MYO1B: variants seen among roughly 807,000 people sequenced by gnomAD.
MYO1B encodes the protein unconventional myosin-Ib.
Under a neutral mutation model 159.7 loss-of-function variants are expected in MYO1B, and 72 were observed. That is an observed-to-expected ratio of 0.45 (90% CI 0.37 to 0.55). The LOEUF is 0.55. Ranked by LOEUF, MYO1B falls within the 20% of genes least tolerant of loss-of-function variation. The pLI, the probability that MYO1B is intolerant of heterozygous loss-of-function variation, is 0.00. For missense variants in MYO1B, 1,062 were observed against 1,364.8 expected (o/e 0.78, Z 3.50); for synonymous variants, 468 against 473.8 (o/e 0.99, Z 0.16).
chr2:191,403,919 G>A (rs747841527), intron 24 of MYO1B, among the ~76,000 whole-genome samples: 3 of 152,072 alleles, frequency 2.0e-5, no homozygotes, highest in Non-Finnish European at 2.9e-5. Context: ...TGCATTAGGG[G>A]TGTACACTAG....
rs1159016855 is a variant in MYO1B, at chr2:191,418,482, A to ATTTTTTTTTT, written c.3287+2255_3287+2264dup. On this transcript the variant is annotated intron_variant, in intron 30 of 30. Transcript: ENST00000392318. ...CAAAGTCCTGTTTACTCTTTAGTGG[A>ATTTTTTTTTT]TTTTTTTTTTTTTTTTTTTTTTTTG... Among the ~76,000 whole-genome samples, 40 of 81,064 alleles carry ATTTTTTTTTT rather than the reference A, an allele frequency of 4.9e-4. 1 individual carries two copies. The highest frequency in any genetic ancestry group is 9.0e-4 in the East Asian group (2 of 2,226). The allele number at this position is 81,064 out of a possible 152,430, so 53.2% of individuals were successfully genotyped here.
At chr2:191,343,167 T>G (rs1285990420) in intron 5 of MYO1B, among the ~76,000 whole-genome samples, 1 of 152,208 alleles carries the variant, frequency 6.6e-6, no homozygotes, top group East Asian at 1.9e-4. Flanking sequence ...AGAACCACCC[T>G]TGATTAGAAT....
intron 24 of MYO1B, among the ~76,000 whole-genome samples, chr2:191,404,558 C>G (rs1241333965): frequency 3.3e-5 from 5 of 152,138 alleles, no homozygotes. Flanking sequence ...GGCTAAAAGA[C>G]AGATGATAAT....
chr2:191,370,589 G>A (rs954244618), intron 13 of MYO1B, among the ~76,000 whole-genome samples: 1 of 152,116 alleles, frequency 6.6e-6, no homozygotes, highest in East Asian at 1.9e-4. Context: ...ACTCGTATTA[G>A]TACCTGACTT....
Position 191,414,134 on chromosome 2 carries a change from T to C in MYO1B, c.2960T>C (p.Ile987Thr). Residue 987 changes from isoleucine (I) to threonine (T), a missense_variant, in exon 28 of 31, where the codon ATC becomes ACC. By Grantham distance (89) the Ile-to-Thr change is moderately conservative. This residue lies in a region of MYO1B where 609 missense variants were observed against 744.4 expected (regional missense o/e 0.82). Transcript: ENST00000392318. ...KKLKDAIEEK[I>T]IIAEVVNKIN... ...CTCAAAGATGCCATTGAAGAAAAGA[T>C]CATCATTGCTGAAGTCGTGAACAAA... is the stretch of plus-strand genomic sequence containing the variant. 6.2e-7 allele frequency: 1 copy of C among 1,613,530 alleles called. No individual in the cohort carries two copies. The highest frequency in any genetic ancestry group is 8.5e-7 in the Non-Finnish European group (1 of 1,179,704).
intron 1 of MYO1B, 72 bp from the exon 2 acceptor site, chr2:191,276,815 T>G: frequency 6.6e-7 from 1 of 1,508,896 alleles, no homozygotes; most frequent in Non-Finnish European, 8.9e-7. Context: ...GTTGGATTTC[T>G]GCAGTAGTGC....
At chr2:191,314,679 T>TA (rs1310380691) in intron 3 of MYO1B, among the ~76,000 whole-genome samples, 17 of 152,224 alleles carry the variant, frequency 1.1e-4, no homozygotes, top group Non-Finnish European at 1.9e-4. Context: ...TTCAAGAACT[T>TA]AAAGTTGTGT....
In MYO1B at chr2:191,381,458, A is replaced by G. The variant is rs757618408; in HGVS notation, c.1186-4A>G. The G allele has an allele frequency of 1.2e-6, 2 of 1,611,570 alleles. No individual in the cohort carries two copies. Among genetic ancestry groups the G allele is most frequent in the Non-Finnish European group, 1.7e-6 (2 of 1,177,856 alleles). On this transcript the variant is annotated splice_polypyrimidine_tract_variant and splice_region_variant and intron_variant, in intron 13 of 30. Transcript: ENST00000392318. Reference sequence around the variant, plus strand: ...TAAAGCTGTTTTTCATTTTCTCCATACAGGACAACAGCTTTGAGCAGTTCA... The same window carrying G: ...TAAAGCTGTTTTTCATTTTCTCCATGCAGGACAACAGCTTTGAGCAGTTCA...
At chr2:191,348,326 C>T (rs1197935596) in intron 6 of MYO1B, among the ~76,000 whole-genome samples, 1 of 152,196 alleles carries the variant, frequency 6.6e-6, no homozygotes, top group Non-Finnish European at 1.5e-5. Flanking sequence ...TACAGGCCTT[C>T]AAACTGAGTT....
At chr2:191,389,010 C>G (rs577163627) in intron 17 of MYO1B, among the ~76,000 whole-genome samples, 4 of 152,280 alleles carry the variant, frequency 2.6e-5, no homozygotes, top group African/African-American at 9.6e-5. Context: ...GTTTCCCCCC[C>G]ATGTAGATAT....
chr2:191,354,248 T>G (rs1433886955), intron 7 of MYO1B, among the ~76,000 whole-genome samples: 1 of 141,414 alleles, frequency 7.1e-6, no homozygotes, highest in Non-Finnish European at 1.5e-5. Context: ...AGAGCAAGAC[T>G]CCGTCTTAAA....
chr2:191,344,128 C>G (rs1352100625), intron 5 of MYO1B, among the ~76,000 whole-genome samples: 1 of 152,158 alleles, frequency 6.6e-6, no homozygotes, highest in Non-Finnish European at 1.5e-5. Flanking sequence ...GCATCAACAT[C>G]TCTAGTCGGA....
chr2:191,300,151 T>C (rs1689221428), intron 3 of MYO1B, among the ~76,000 whole-genome samples: 1 of 152,142 alleles, frequency 6.6e-6, no homozygotes, highest in Non-Finnish European at 1.5e-5. Context: ...AGCCTGGCAT[T>C]CTCAAACAGG....
chr2:191,392,976 T>A lies in MYO1B; in HGVS notation c.2077-97T>A, dbSNP rs570257991. ...AGTTCTTTTTTTCAATGTAATTGAC[T>A]CCAACATGATGGCATTTTGTCTCCT... On this transcript the variant is annotated intron_variant, in intron 19 of 30. Coordinates refer to ENST00000392318, the MANE Select transcript of MYO1B (RefSeq NM_001130158.3). 8.4e-5 allele frequency: 90 copies of A among 1,071,842 alleles called. No individual in the cohort carries two copies. In the East Asian group the frequency reaches 2.1e-3, roughly 25 times the overall value. 66.4% of individuals were successfully genotyped at this position (1,071,842 alleles called of 1,614,324 possible).
Position 191,321,033 on chromosome 2 carries a change from T to G in MYO1B, c.252-8902T>G, listed in dbSNP as rs150074057. Among the ~76,000 whole-genome samples the G allele has an allele frequency of 1.8e-3, 276 of 152,222 alleles. 3 individuals are homozygous for G. Among genetic ancestry groups the G allele is most frequent in the Non-Finnish European group, 5.7e-4 (39 of 68,008 alleles). On this transcript the variant is annotated intron_variant, in intron 3 of 30. Transcript: ENST00000392318. ...GCTGTCAGAGTTAGAGGAGAGTGTT[T>G]TACATTTGACTCTTGTAAACATGAA...
chr2:191,300,530 G>A (rs1462892677), intron 3 of MYO1B, among the ~76,000 whole-genome samples: 1 of 151,458 alleles, frequency 6.6e-6, no homozygotes, highest in African/African-American at 2.4e-5. Context: ...TTTTAGTAGA[G>A]ACAGGTTTTC....
rs73981591 is a variant in MYO1B, at chr2:191,352,116, G to A, written c.562+1891G>A. Among the ~76,000 whole-genome samples, 1,362 of 152,290 alleles carry A rather than the reference G, an allele frequency of 8.9e-3. 22 individuals carry two copies. Among genetic ancestry groups the A allele is most frequent in the African/African-American group, 0.031 (1,297 of 41,548 alleles). Reference sequence around the variant, plus strand: ...AGTACTCATGCAAACCACATACGATGTAACCAAAGGCAAGTGATTATAACC... The same window carrying A: ...AGTACTCATGCAAACCACATACGATATAACCAAAGGCAAGTGATTATAACC... On this transcript the variant is annotated intron_variant, in intron 7 of 30. Transcript: ENST00000392318.
chr2:191,321,593 C>G (rs1264941393), intron 3 of MYO1B, among the ~76,000 whole-genome samples: 2 of 152,104 alleles, frequency 1.3e-5, no homozygotes, highest in African/African-American at 4.8e-5. Context: ...GTTCTTTTCT[C>G]CAAATCAATG....
At chr2:191,256,200 T>G (rs1229170403) in intron 1 of MYO1B, among the ~76,000 whole-genome samples, 1 of 152,240 alleles carries the variant, frequency 6.6e-6, no homozygotes. Context: ...GCAGTGGTTA[T>G]GGGCTGGGCT....
Sources: gnomAD v4.1 joint callset for allele counts (sites outside exome capture counted in the v4.1 genomes callset) on GRCh38, gnomAD v4.1.1 for gene constraint, gnomAD v4.1.1 regional missense constraint, MANE v1.5 for transcripts, NCBI Gene and HGNC (gene_info 2026-07-23, HGNC 2026-07-21) for gene names.